The following DCTN5 variants were observed in gnomAD, a reference collection of about 807,000 sequenced individuals.
DCTN5 encodes dynactin 4.
A neutral mutation model predicts 23.5 loss-of-function variants in DCTN5; 14 were observed. The observed-to-expected ratio is 0.60, with a 90% CI of 0.39 to 0.93. DCTN5 has a LOEUF of 0.93. DCTN5 is among the 40% of genes least tolerant of loss of function. The probability of loss-of-function intolerance (pLI) is 0.00; values close to 1 mark genes in which losing one functional copy is unlikely to be tolerated. For missense variants in DCTN5, 156 were observed against 225.9 expected, an observed-to-expected ratio of 0.69 and a Z score of 1.98; for synonymous variants, 67 against 79.6, an observed-to-expected ratio of 0.84 and a Z score of 0.84.
At chr16:23,656,990 A>C (rs1967715683) in intron 2 of DCTN5, among the ~76,000 whole-genome samples, 1 of 118,568 alleles carries the variant, frequency 8.4e-6, no homozygotes, top group South Asian at 2.5e-4. Context: ...ACTCCATCTC[A>C]AAAAAAAAAA....
intron 2 of DCTN5, among the ~76,000 whole-genome samples, chr16:23,644,711 C>T (rs1400776132): frequency 6.6e-6 from 1 of 151,912 alleles, no homozygotes; most frequent in Admixed American, 6.6e-5. Context: ...GCTGGGATTA[C>T]AGGCATGAGC....
chr16:23,657,561 C>T, intron 2 of DCTN5: 1 of 366,260 alleles, frequency 2.7e-6, no homozygotes, highest in Admixed American at 3.3e-5. Context: ...CTGCCTCAGC[C>T]TCCCGAGTAG....
chr16:23,645,126 TATATA>T lies in DCTN5; in HGVS notation c.117+2104_117+2108del, dbSNP rs1377431806. 1.9e-3 allele frequency among the ~76,000 whole-genome samples: 76 copies of T among 39,432 alleles called. 4 individuals carry two copies. Among genetic ancestry groups the T allele is most frequent in the Non-Finnish European group, 2.3e-3 (51 of 21,822 alleles). The allele number at this position is 39,432 out of a possible 152,430, so 25.9% of individuals were successfully genotyped here. A position where few individuals can be genotyped will look rare whatever the true frequency, so the allele number is the denominator to read the frequency against. On this transcript the variant is annotated intron_variant, in intron 2 of 5. Coordinates refer to ENST00000300087, the MANE Select transcript of DCTN5 (RefSeq NM_032486.4). ...ATATATATATATATATATATATATA[TATATA>T]TATATATTTTTTTTTTTTTTAATAC...
chr16:23,650,543 C>T (rs1967580768), intron 2 of DCTN5, among the ~76,000 whole-genome samples: 1 of 145,818 alleles, frequency 6.9e-6, no homozygotes, highest in South Asian at 2.2e-4. Flanking sequence ...CCAGGATGGT[C>T]TTGAACTCCT....
chr16:23,668,435 A>T lies in DCTN5; in HGVS notation c.*1291A>T, dbSNP rs549664717. 5.9e-5 allele frequency: 9 copies of T among 152,258 alleles called. No homozygotes were observed. The highest frequency in any genetic ancestry group is 2.2e-4 in the African/African-American group (9 of 41,462). The allele number at this position is 152,258 out of a possible 1,614,324, so 9.4% of individuals were successfully genotyped here. A position where few individuals can be genotyped will look rare whatever the true frequency, so the allele number is the denominator to read the frequency against. ...ACCACCAAAATACATAGCTTCGACA[A>T]GATGGAAGTTTATTTCTCTCTCCCA... On this transcript the variant is annotated 3_prime_UTR_variant, in exon 6 of 6. Coordinates refer to ENST00000300087, the MANE Select transcript of DCTN5 (RefSeq NM_032486.4).
chr16:23,643,232 C>T lies in DCTN5; in HGVS notation c.117+209C>T, dbSNP rs1375999328. Among the ~76,000 whole-genome samples, 3 of 151,456 alleles carry T rather than the reference C, an allele frequency of 2.0e-5. 1 individual carries two copies. Among genetic ancestry groups the T allele is most frequent in the South Asian group, 4.2e-4 (2 of 4,794 alleles). Reference sequence around the variant, plus strand: ...TTTTTGAGACAGTCTCACTCTGTCGCCCAGGCTGGAGTGCAGTGGCCCCAT... The same window carrying T: ...TTTTTGAGACAGTCTCACTCTGTCGTCCAGGCTGGAGTGCAGTGGCCCCAT... On this transcript the variant is annotated intron_variant, in intron 2 of 5. Transcript: ENST00000300087.
chr16:23,661,553 T>C (rs1967812056), intron 4 of DCTN5, among the ~76,000 whole-genome samples: 1 of 151,900 alleles, frequency 6.6e-6, no homozygotes, highest in Admixed American at 6.6e-5. Flanking sequence ...ACCCTGTCTC[T>C]ACAAAAATAC....
Position 23,667,907 on chromosome 16 carries a change from C to G in DCTN5, c.*763C>G, listed in dbSNP as rs1967935958. 1 of 152,224 alleles carries G rather than the reference C, an allele frequency of 6.6e-6. No homozygotes were observed. The highest frequency in any genetic ancestry group is 1.5e-5 in the Non-Finnish European group (1 of 68,062). 9.4% of individuals were successfully genotyped at this position (152,224 alleles called of 1,614,324 possible). Reference sequence around the variant, plus strand: ...GGTGGTTACTCCTTGCTTCAAGGTACTTACCTTATTTCATTGAAGACACCG... The same window carrying G: ...GGTGGTTACTCCTTGCTTCAAGGTAGTTACCTTATTTCATTGAAGACACCG... On this transcript the variant is annotated 3_prime_UTR_variant, in exon 6 of 6. Transcript: ENST00000300087.
At chr16:23,661,717 T>TATAAATAA (rs370377120) in intron 4 of DCTN5, among the ~76,000 whole-genome samples, 4,284 of 148,490 alleles carry the variant, frequency 0.029, 104 homozygotes, top group Admixed American at 0.064. Context: ...GACACTGTCT[T>TATAAATAA]ATAAATAAAT....
rs1339794030 is a variant in DCTN5, at chr16:23,645,113, ATATATATATATATATATATATATATT to A, written c.117+2092_117+2117del. ...TATATATATATATATATATATATAT[ATATATATATATATATATATATATATT>A]TTTTTTTTTTTTAATACGCAGTTTT... On this transcript the variant is annotated intron_variant, in intron 2 of 5. Transcript: ENST00000300087. 4.8e-4 allele frequency among the ~76,000 whole-genome samples: 17 copies of A among 35,720 alleles called. 1 individual carries two copies. The highest frequency in any genetic ancestry group is 1.8e-3 in the South Asian group (2 of 1,134). 23.4% of individuals were successfully genotyped at this position (35,720 alleles called of 152,430 possible). A position where few individuals can be genotyped will look rare whatever the true frequency, so the allele number is the denominator to read the frequency against.
chr16:23,642,963 G>C lies in DCTN5; in HGVS notation c.57G>C (p.Gly19=), dbSNP rs765548172. ...CCGTTGTTTTCTTTTAGGCATCTGG[G>C]AACAAAGTCAGTCGCCAGTCAGTGT... ...NKSEYIETAS[G]NKVSRQSVLC... Residue 19 remains glycine (G), a synonymous_variant, in exon 2 of 6, where the codon GGG becomes GGC. Coordinates refer to ENST00000300087, the MANE Select transcript of DCTN5 (RefSeq NM_032486.4). 2.3e-5 allele frequency: 37 copies of C among 1,613,926 alleles called. No individual in the cohort carries two copies. Among genetic ancestry groups the C allele is most frequent in the Non-Finnish European group, 3.1e-5 (37 of 1,180,004 alleles).
chr16:23,643,704 AAATT>A (rs1431213280), intron 2 of DCTN5, among the ~76,000 whole-genome samples: 9 of 152,224 alleles, frequency 5.9e-5, no homozygotes, highest in South Asian at 4.1e-4. Flanking sequence ...TCTTTAGTAA[AAATT>A]AATAATTCAC....
rs1453927963 is a variant in DCTN5 at position 23,674,975 on chromosome 16, C to T, written c.*7831C>T. 1 of 152,066 alleles carries T rather than the reference C, an allele frequency of 6.6e-6. No individual in the cohort carries two copies. Among genetic ancestry groups the T allele is most frequent in the Non-Finnish European group, 1.5e-5 (1 of 68,026 alleles). The allele number at this position is 152,066 out of a possible 1,614,324, so 9.4% of individuals were successfully genotyped here. ...CTTCTCTTTTAATAAGGATACCACT[C>T]AGGTTGGATTAGGGCCCATCCTAAC... On this transcript the variant is annotated 3_prime_UTR_variant, in exon 6 of 6. Coordinates refer to ENST00000300087, the MANE Select transcript of DCTN5 (RefSeq NM_032486.4).
At position 23,661,270 on chromosome 16, in the gene DCTN5, A is replaced by C. The variant is rs1249161686; in HGVS notation, c.337A>C (p.Asn113His). The stretch of plus-strand genomic sequence containing the variant: ...TGGTTCCTATGTTCATGTTGGGAAG[A>C]ACTGTGTGATTGTGAGTATGATGAC... ...QIGSYVHVGK[N>H]CVIGRRCVLK... The change falls in exon 4 of 6, where the codon AAC becomes CAC. Residue 113 changes from asparagine to histidine, a missense_variant. Coordinates refer to ENST00000300087, the MANE Select transcript of DCTN5 (RefSeq NM_032486.4). 1 of 1,610,846 alleles carries C rather than the reference A, an allele frequency of 6.2e-7. No individual in the cohort carries two copies. Among genetic ancestry groups the C allele is most frequent in the Non-Finnish European group, 8.5e-7 (1 of 1,178,468 alleles).
intron 2 of DCTN5, among the ~76,000 whole-genome samples, chr16:23,653,986 A>G (rs1967651365): frequency 6.6e-6 from 1 of 152,234 alleles, no homozygotes. Flanking sequence ...ACCACGAGAT[A>G]CCGTCTCACA....
intron 5 of DCTN5, chr16:23,666,561 C>T (rs1438831566): frequency 6.2e-6 from 1 of 161,042 alleles, no homozygotes; most frequent in East Asian, 1.8e-4. Flanking sequence ...GTATCTTCTT[C>T]TCCATGTTGT....
At chr16:23,652,695 A>G (rs555434109) in intron 2 of DCTN5, among the ~76,000 whole-genome samples, 1 of 152,346 alleles carries the variant, frequency 6.6e-6, no homozygotes, top group African/African-American at 2.4e-5. Context: ...AACCACCAAT[A>G]TAAAACTAAT....
At chr16:23,648,229 C>T (rs529063003) in intron 2 of DCTN5, among the ~76,000 whole-genome samples, 113 of 152,042 alleles carry the variant, frequency 7.4e-4, no homozygotes, top group Non-Finnish European at 1.2e-3. Context: ...AATCATAGCT[C>T]ACTGCAGCCT....
chr16:23,666,033 A>G (rs764248907), intron 5 of DCTN5: 5 of 304,144 alleles, frequency 1.6e-5, no homozygotes, highest in Non-Finnish European at 3.0e-5. Context: ...TTGAGGGGTG[A>G]TACTCATGTC....
Sources: gnomAD v4.1 joint callset for allele counts (sites outside exome capture counted in the v4.1 genomes callset) on GRCh38, gnomAD v4.1.1 for gene constraint, MANE v1.5 for transcripts, NCBI Gene and HGNC (gene_info 2026-07-23, HGNC 2026-07-21) for gene names.